The following ZMYND11 variants were observed in gnomAD, a reference collection of about 807,000 sequenced individuals.
ZMYND11 encodes the protein zinc finger MYND domain-containing protein 11.
Under a neutral mutation model 84.9 loss-of-function variants are expected in ZMYND11, and 9 were observed. The observed-to-expected ratio is 0.11, with a 90% confidence interval of 0.06 to 0.18. The LOEUF (loss-of-function observed/expected upper bound fraction) is 0.18, where lower values mean the gene tolerates loss of function less well. Ranked by LOEUF, ZMYND11 falls within the 10% of genes least tolerant of loss-of-function variation. The probability of loss-of-function intolerance (pLI) is 1.00; values close to 1 mark genes in which losing one functional copy is unlikely to be tolerated. For synonymous variants in ZMYND11, 250 were observed against 244.1 expected, an observed-to-expected ratio of 1.02 and a Z score of -0.23; for missense variants, 409 against 761.0, an observed-to-expected ratio of 0.54 and a Z score of 5.44.
rs960254657 is a variant in ZMYND11 at position 169,895 on chromosome 10, C to A, written c.-19-10099C>A. Among the ~76,000 whole-genome samples, 7 of 152,198 alleles carry A rather than the reference C, an allele frequency of 4.6e-5. 1 individual carries two copies. The highest frequency in any genetic ancestry group is 6.8e-3 in the Middle Eastern group (2 of 294). ...AGAAGCAATATTTGAGTCAAAAATG[C>A]TTGACAATTTCACCAGTATCAGACA... On this transcript the variant is annotated intron_variant, in intron 1 of 14. Transcript: ENST00000381604.
chr10:241,360 TAG>T (rs1290452898), intron 9 of ZMYND11, among the ~76,000 whole-genome samples: 1 of 152,072 alleles, frequency 6.6e-6, no homozygotes, highest in Non-Finnish European at 1.5e-5. Context: ...GTATTTTTTG[TAG>T]AGATGGGGTT....
intron 2 of ZMYND11, among the ~76,000 whole-genome samples, chr10:193,337 C>T (rs1940928415): frequency 6.6e-6 from 1 of 152,170 alleles, no homozygotes; most frequent in South Asian, 2.1e-4. Flanking sequence ...GGGGCCCTTA[C>T]AGCATTCCAT....
Position 237,008 on chromosome 10 carries a change from T to C in ZMYND11, c.516+93T>C. 4.1e-6 allele frequency: 5 copies of C among 1,217,090 alleles called. No individual in the cohort carries two copies. The South Asian group carries it at 6.8e-5, about 17-fold the overall frequency. 75.4% of individuals were successfully genotyped at this position (1,217,090 alleles called of 1,614,324 possible). A position where few individuals can be genotyped will look rare whatever the true frequency, so the allele number is the denominator to read the frequency against. The stretch of plus-strand genomic sequence containing the variant: ...AGTTGAATGATCGAGAAGTAACAAA[T>C]ATGTACATAGCAATATGAAGTGTGG... On this transcript the variant is annotated intron_variant, in intron 5 of 14. Coordinates refer to ENST00000381604, the MANE Select transcript of ZMYND11 (RefSeq NM_001370100.5).
rs886371231 is a variant in ZMYND11, at chr10:249,241, A to G, written c.1686+153A>G. 69 of 1,460,310 alleles carry G rather than the reference A, an allele frequency of 4.7e-5. No homozygotes were observed. The African/African-American group carries it at 8.7e-4, about 18-fold the overall frequency. The allele number at this position is 1,460,310 out of a possible 1,614,324, so 90.5% of individuals were successfully genotyped here. On this transcript the variant is annotated intron_variant, in intron 14 of 14. Transcript: ENST00000381604. ...CAGCTTTAGTTTTAAAAATTTTATT[A>G]AAAGTCCTATGATCTCTCAACCCCA...
intron 2 of ZMYND11, among the ~76,000 whole-genome samples, chr10:190,604 A>G (rs1237147449): frequency 2.0e-5 from 3 of 152,148 alleles, no homozygotes; most frequent in African/African-American, 4.8e-5. Context: ...TGATTTCCTC[A>G]TTATTGATAA....
chr10:191,005 C>T (rs1040774132), intron 2 of ZMYND11, among the ~76,000 whole-genome samples: 4 of 152,020 alleles, frequency 2.6e-5, no homozygotes, highest in African/African-American at 9.7e-5. Flanking sequence ...TATATATTTT[C>T]TATCTTTGTA....
At chr10:250,717 C>A (rs1326771348) in intron 14 of ZMYND11, among the ~76,000 whole-genome samples, 1 of 151,938 alleles carries the variant, frequency 6.6e-6, no homozygotes, top group Non-Finnish European at 1.5e-5. Context: ...TTTTTGTGCT[C>A]ATCACATTCT....
chr10:190,106 A>G (rs1939934724), intron 2 of ZMYND11, among the ~76,000 whole-genome samples: 1 of 152,190 alleles, frequency 6.6e-6, no homozygotes, highest in African/African-American at 2.4e-5. Flanking sequence ...GAATGTAGAA[A>G]TGGTAAAAGT....
In ZMYND11 at chr10:240,112, G is replaced by GTAC. The variant is rs1352949628; in HGVS notation, c.753+4_753+6dup. ...GCTATATAAAGACACATGTCATGAG[G>GTAC]TACTATTCATTGCCCAATAGTTATA... On this transcript the variant is annotated splice_donor_variant, in intron 8 of 14. Coordinates refer to ENST00000381604, the MANE Select transcript of ZMYND11 (RefSeq NM_001370100.5). LOFTEE classifies it high-confidence loss of function. 3.7e-6 allele frequency: 6 copies of GTAC among 1,606,316 alleles called. No individual in the cohort carries two copies. The highest frequency in any genetic ancestry group is 1.3e-5 in the African/African-American group (1 of 74,704).
At chr10:147,189 T>C (rs746732480) in intron 1 of ZMYND11, among the ~76,000 whole-genome samples, 98 of 152,260 alleles carry the variant, frequency 6.4e-4, no homozygotes, top group Non-Finnish European at 1.3e-3. Context: ...GAGCATATCA[T>C]TGGCAAACAG....
At position 157,259 on chromosome 10, in the gene ZMYND11, G is replaced by C. The variant is rs563574979; in HGVS notation, c.-20+21700G>C. On this transcript the variant is annotated intron_variant, in intron 1 of 14. Coordinates refer to ENST00000381604, the MANE Select transcript of ZMYND11 (RefSeq NM_001370100.5). ...CTGTCGCCCAGGCTGGAATGCAGTGGTGCAATCTCGGCTCACTGCAACCTC... is the reference window on the plus strand; with the variant it reads ...CTGTCGCCCAGGCTGGAATGCAGTGCTGCAATCTCGGCTCACTGCAACCTC... Among the ~76,000 whole-genome samples, 3 of 152,282 alleles carry C rather than the reference G, an allele frequency of 2.0e-5. No homozygotes were observed. In the South Asian group the frequency reaches 6.2e-4, roughly 32 times the overall value.
At chr10:183,282 A>G (rs1194384098) in intron 2 of ZMYND11, among the ~76,000 whole-genome samples, 1 of 146,952 alleles carries the variant, frequency 6.8e-6, no homozygotes, top group East Asian at 2.0e-4. Flanking sequence ...TGATTTTTCC[A>G]TAGTCCGGCT....
intron 14 of ZMYND11, chr10:249,702 G>T (rs780784072): frequency 5.2e-5 from 51 of 985,240 alleles, no homozygotes; most frequent in Non-Finnish European, 5.8e-5. Flanking sequence ...CCGCCACAGT[G>T]CTCAGTGAAT....
At chr10:139,129 T>C (rs1488169272) in intron 1 of ZMYND11, among the ~76,000 whole-genome samples, 1 of 152,216 alleles carries the variant, frequency 6.6e-6, no homozygotes, top group Non-Finnish European at 1.5e-5. Context: ...ATGAATGATA[T>C]TATTATTCAT....
Position 198,040 on chromosome 10 carries a change from G to A in ZMYND11, c.117-11849G>A, listed in dbSNP as rs191178883. 9.1e-4 allele frequency: 535 copies of A among 590,858 alleles called. 3 individuals carry two copies. The highest frequency in any genetic ancestry group is 8.1e-3 in the African/African-American group (433 of 53,204). The allele number at this position is 590,858 out of a possible 1,614,324, so 36.6% of individuals were successfully genotyped here. A position where few individuals can be genotyped will look rare whatever the true frequency, so the allele number is the denominator to read the frequency against. ...TTTTTAAAAAGTTGGTAAAATTTGGGGATAGGTCTAATTTAATAATGTAAA... is the reference window on the plus strand; with the variant it reads ...TTTTTAAAAAGTTGGTAAAATTTGGAGATAGGTCTAATTTAATAATGTAAA... On this transcript the variant is annotated intron_variant, in intron 2 of 14. Transcript: ENST00000381604.
intron 2 of ZMYND11, among the ~76,000 whole-genome samples, chr10:208,539 A>G (rs1944596672): frequency 6.6e-6 from 1 of 152,246 alleles, no homozygotes; most frequent in African/African-American, 2.4e-5. Context: ...GACACATGAA[A>G]AAATGTTTTT....
intron 7 of ZMYND11, 90 bp from the exon 8 acceptor site, chr10:239,966 T>C (rs1218816254): frequency 8.9e-7 from 1 of 1,118,464 alleles, no homozygotes. Flanking sequence ...GGTAGATGTC[T>C]ACTTTTGCAA....
chr10:215,352 TTTAC>T (rs1945998515), intron 3 of ZMYND11, among the ~76,000 whole-genome samples: 2 of 152,064 alleles, frequency 1.3e-5, no homozygotes, highest in Non-Finnish European at 2.9e-5. Flanking sequence ...TACTTCTCCC[TTTAC>T]TTACCTACCA....
chr10:180,035 G>A lies in ZMYND11; in HGVS notation c.23G>A (p.Arg8Gln). 1 of 1,613,380 alleles carries A rather than the reference G, an allele frequency of 6.2e-7. No homozygotes were observed. Among genetic ancestry groups the A allele is most frequent in the Non-Finnish European group, 8.5e-7 (1 of 1,179,674 alleles). Residue 8 changes from arginine (R) to glutamine (Q), a missense_variant, in exon 2 of 15, where the codon CGA becomes CAA. Arg to Gln is a conservative substitution (Grantham distance 43). Transcript: ENST00000381604. ...GTCATGGCACGTTTAACAAAAAGAC[G>A]ACAGGCGGATACAAAAGCTATCCAG... MARLTKR[R>Q]QADTKAIQHL...
Sources: gnomAD v4.1 joint callset for allele counts (sites outside exome capture counted in the v4.1 genomes callset) on GRCh38, gnomAD v4.1.1 for gene constraint, MANE v1.5 for transcripts, NCBI Gene and HGNC (gene_info 2026-07-23, HGNC 2026-07-21) for gene names.